FILIP1L: variants seen among roughly 807,000 people sequenced by gnomAD.
FILIP1L encodes the protein filamin A-interacting protein 1-like.
In FILIP1L, 55 loss-of-function variants were observed where a neutral mutation model predicts 96.6. The ratio of observed to expected loss-of-function variants is 0.57; its 90% CI spans 0.46 to 0.71. FILIP1L has a LOEUF of 0.71. FILIP1L is among the 30% of genes least tolerant of loss of function. The pLI is 0.00. For synonymous variants in FILIP1L, 467 were observed against 473.9 expected (o/e 0.99, Z 0.19); for missense variants, 1,304 against 1,321.2 (o/e 0.99, Z 0.20).
chr3:99,959,169 G>A (rs972119180), intron 1 of FILIP1L, among the ~76,000 whole-genome samples: 14 of 152,000 alleles, frequency 9.2e-5, no homozygotes, highest in African/African-American at 3.4e-4. Context: ...TATTTTTTGA[G>A]GCAGAGTCTC....
intron 1 of FILIP1L, among the ~76,000 whole-genome samples, chr3:99,932,078 A>G (rs1371729434): frequency 6.6e-6 from 1 of 152,174 alleles, no homozygotes; most frequent in Admixed American, 6.5e-5. Flanking sequence ...CTACCACACA[A>G]ATTTATAAAA....
At chr3:100,062,845 A>C (rs556024081) in intron 1 of FILIP1L, among the ~76,000 whole-genome samples, 10 of 152,304 alleles carry the variant, frequency 6.6e-5, no homozygotes, top group African/African-American at 2.2e-4. Flanking sequence ...TGTGATGACT[A>C]GTCCCCCAAC....
intron 5 of FILIP1L, among the ~76,000 whole-genome samples, chr3:99,832,700 G>A (rs1408044662): frequency 1.5e-5 from 2 of 133,064 alleles, no homozygotes; most frequent in Non-Finnish European, 3.2e-5. Flanking sequence ...AAACAGCCGG[G>A]CGTCGTGGCG....
At chr3:100,078,748 G>A (rs533166059) in intron 1 of FILIP1L, among the ~76,000 whole-genome samples, 1 of 152,122 alleles carries the variant, frequency 6.6e-6, no homozygotes, top group South Asian at 2.1e-4. Context: ...AAAATTAGCC[G>A]AGCATCATGG....
intron 1 of FILIP1L, among the ~76,000 whole-genome samples, chr3:99,985,450 A>T (rs1709310838): frequency 6.6e-6 from 1 of 152,148 alleles, no homozygotes; most frequent in Admixed American, 6.5e-5. Context: ...GCTTGAGCCA[A>T]GATCATACCA....
At position 99,849,926 on chromosome 3, in the gene FILIP1L, T is replaced by C; in HGVS notation, c.1750A>G (p.Arg584Gly). 6.2e-7 allele frequency: 1 copy of C among 1,612,912 alleles called. No individual in the cohort carries two copies. The highest frequency in any genetic ancestry group is 8.5e-7 in the Non-Finnish European group (1 of 1,179,782). ...AGCCTATTTTTCAACATATTAACTC[T>C]TGACAGGAGATCATTTCCTTTCTCT... ...EEEKGNDLLS[R>G]VNMLKNRLQS... Residue 584 changes from arginine (R) to glycine (G), a missense_variant, in exon 5 of 6, where the codon AGA becomes GGA. By Grantham distance (125) the Arg-to-Gly change is moderately radical. Coordinates refer to ENST00000477258, the MANE Select transcript of FILIP1L (RefSeq NM_001387850.1).
At position 99,850,698 on chromosome 3, in the gene FILIP1L, C is replaced by T; in HGVS notation, c.978G>A (p.Lys326=). ...EDSQNRQLQQ[K]LAALSRQIDE... ...CAATCTGCCGGCTGAGTGCTGCCAGCTTTTGTTGAAGCTGGCGATTTTGAC... is the reference window on the plus strand; with the variant it reads ...CAATCTGCCGGCTGAGTGCTGCCAGTTTTTGTTGAAGCTGGCGATTTTGAC... Residue 326 remains lysine, a synonymous_variant, in exon 5 of 6, where the codon AAG becomes AAA. Transcript: ENST00000477258. The T allele has an allele frequency of 6.2e-7, 1 of 1,614,142 alleles. No individual in the cohort carries two copies. Among genetic ancestry groups the T allele is most frequent in the East Asian group, 2.2e-5 (1 of 44,880 alleles).
chr3:99,998,317 A>T (rs1043280115), intron 1 of FILIP1L, among the ~76,000 whole-genome samples: 1 of 152,218 alleles, frequency 6.6e-6, no homozygotes, highest in Non-Finnish European at 1.5e-5. Flanking sequence ...TTCTAACTAC[A>T]GGGTTAGAAA....
chr3:99,947,137 C>CA (rs397829321), intron 1 of FILIP1L, among the ~76,000 whole-genome samples: 13,274 of 88,766 alleles, frequency 0.15, 1,546 homozygotes, highest in Middle Eastern at 0.21. Context: ...GACTCTGTCT[C>CA]AAAAAAAAAA....
At chr3:99,982,007 A>G (rs1031327896) in intron 1 of FILIP1L, among the ~76,000 whole-genome samples, 2 of 152,128 alleles carry the variant, frequency 1.3e-5, no homozygotes, top group African/African-American at 2.4e-5. Context: ...TCACTTTTCT[A>G]TTTTATTTTT....
chr3:99,900,948 T>A (rs1472143925), intron 4 of FILIP1L, among the ~76,000 whole-genome samples: 1 of 152,206 alleles, frequency 6.6e-6, no homozygotes, highest in Non-Finnish European at 1.5e-5. Flanking sequence ...ATGATGGTAG[T>A]AGGATCTGGA....
intron 4 of FILIP1L, among the ~76,000 whole-genome samples, chr3:99,895,441 C>G (rs1463457931): frequency 1.4e-5 from 2 of 144,946 alleles, no homozygotes; most frequent in African/African-American, 5.1e-5. Flanking sequence ...GTGGCTTATT[C>G]AAGGTACTGT....
chr3:99,986,454 G>A (rs1267252752), intron 1 of FILIP1L, among the ~76,000 whole-genome samples: 1 of 152,162 alleles, frequency 6.6e-6, no homozygotes, highest in Non-Finnish European at 1.5e-5. Flanking sequence ...CACAGTTTTA[G>A]ACATACTAGT....
At chr3:100,009,879 A>T (rs1427994377) in intron 1 of FILIP1L, among the ~76,000 whole-genome samples, 1 of 152,208 alleles carries the variant, frequency 6.6e-6, no homozygotes, top group Non-Finnish European at 1.5e-5. Context: ...AATATGTATG[A>T]GAGCCAAGTG....
At chr3:100,053,756 C>T (rs569341179) in intron 1 of FILIP1L, among the ~76,000 whole-genome samples, 1 of 152,302 alleles carries the variant, frequency 6.6e-6, no homozygotes, top group Non-Finnish European at 1.5e-5. Flanking sequence ...ATCTTTCTTA[C>T]CTGGAAATCT....
rs933729118 is a variant in FILIP1L at position 100,069,786 on chromosome 3, T to C, written c.-11+44267A>G. ...TTTGTGGTAAGAGGAGGTGGCAGAA[T>C]GGAGGGCCAGTCTATTTGTGAGGGC... is the stretch of plus-strand genomic sequence containing the variant. On this transcript the variant is annotated intron_variant, in intron 1 of 5. Transcript: ENST00000477258. 1.3e-5 allele frequency among the ~76,000 whole-genome samples: 2 copies of C among 152,148 alleles called. 1 individual carries two copies. Among genetic ancestry groups the C allele is most frequent in the Admixed American group, 1.3e-4 (2 of 15,272 alleles).
intron 4 of FILIP1L, among the ~76,000 whole-genome samples, chr3:99,879,170 T>C (rs1265608472): frequency 6.6e-6 from 1 of 151,902 alleles, no homozygotes; most frequent in East Asian, 2.0e-4. Context: ...AGCTTTAAAC[T>C]GTTATTTAGA....
chr3:99,855,739 ATGTT>A (rs1943930456), intron 4 of FILIP1L, among the ~76,000 whole-genome samples: 2 of 152,220 alleles, frequency 1.3e-5, no homozygotes, highest in Non-Finnish European at 2.9e-5. Flanking sequence ...GGGTTTTTAA[ATGTT>A]TGTTCTTATA....
rs115331917 is a variant in FILIP1L, at chr3:99,858,664, A to T, written c.606-7594T>A. On this transcript the variant is annotated intron_variant, in intron 4 of 5. Transcript: ENST00000477258. Reference sequence around the variant, plus strand: ...TCCTCAGATCTGTTTCACACATTCCATTAGCTGTCAGAGAAATCATCACAC... The same window carrying T: ...TCCTCAGATCTGTTTCACACATTCCTTTAGCTGTCAGAGAAATCATCACAC... 4.5e-3 allele frequency among the ~76,000 whole-genome samples: 679 copies of T among 152,330 alleles called. 6 individuals are homozygous for T. The highest frequency in any genetic ancestry group is 0.016 in the African/African-American group (665 of 41,572).
Sources: gnomAD v4.1 joint callset for allele counts (sites outside exome capture counted in the v4.1 genomes callset) on GRCh38, gnomAD v4.1.1 for gene constraint, MANE v1.5 for transcripts, NCBI Gene and HGNC (gene_info 2026-07-23, HGNC 2026-07-21) for gene names.